Variants in SMAD7 observed in about 807,000 individuals in gnomAD.
SMAD7 encodes SMAD family member 7.
A neutral mutation model predicts 38.7 loss-of-function variants in SMAD7; 8 were observed. The ratio of observed to expected loss-of-function variants is 0.21; its 90% CI spans 0.12 to 0.37. The LOEUF (loss-of-function observed/expected upper bound fraction) is 0.37. Ranked by LOEUF, SMAD7 falls within the 10% of genes least tolerant of loss-of-function variation. SMAD7 has a pLI of 1.00. For missense variants in SMAD7, 477 were observed against 577.9 expected, an observed-to-expected ratio of 0.83 and a Z score of 1.79; for synonymous variants, 327 against 265.1, an observed-to-expected ratio of 1.23 and a Z score of -2.27.
At chr18:48,943,653 G>A (rs763390261) in intron 2 of SMAD7, among the ~76,000 whole-genome samples, 6 of 152,194 alleles carry the variant, frequency 3.9e-5, no homozygotes, top group South Asian at 4.1e-4. Context: ...AGGTTGGATC[G>A]TGCAGACACC....
chr18:48,922,930 G>A lies in SMAD7; in HGVS notation c.743-1020C>T, dbSNP rs183405400. Among the ~76,000 whole-genome samples, 4 of 152,274 alleles carry A rather than the reference G, an allele frequency of 2.6e-5. No individual in the cohort carries two copies. In the East Asian group the frequency reaches 7.7e-4, roughly 29 times the overall value. Reference sequence around the variant, plus strand: ...CTGGTAAGGTAATTTTCCTCAACAGGCACTTGGAGGACTTTAAAAGGGGGG... The same window carrying A: ...CTGGTAAGGTAATTTTCCTCAACAGACACTTGGAGGACTTTAAAAGGGGGG... On this transcript the variant is annotated intron_variant, in intron 3 of 3. Transcript: ENST00000262158.
At chr18:48,931,002 A>G (rs1478047137) in intron 3 of SMAD7, among the ~76,000 whole-genome samples, 1 of 152,236 alleles carries the variant, frequency 6.6e-6, no homozygotes. Context: ...GGAAATTCTG[A>G]CATACGCTAG....
At chr18:48,949,394 C>A (rs752068266) in intron 1 of SMAD7, 14 of 466,810 alleles carry the variant, frequency 3.0e-5, no homozygotes, top group South Asian at 1.8e-4. Flanking sequence ...CCTTCCTTGG[C>A]GGGCCTGGAC....
intron 3 of SMAD7, among the ~76,000 whole-genome samples, chr18:48,932,523 C>G (rs1443424797): frequency 1.3e-5 from 2 of 152,142 alleles, no homozygotes; most frequent in Non-Finnish European, 2.9e-5. Context: ...TGATCAAACC[C>G]CCCAGCAAAA....
chr18:48,922,035 A>C (rs2069869115), intron 3 of SMAD7, 125 bp from the exon 4 acceptor site: 1 of 740,336 alleles, frequency 1.4e-6, no homozygotes, highest in Admixed American at 2.9e-5. Flanking sequence ...AGAAAGAAGG[A>C]GGCGGTGAGG....
chr18:48,950,205 G>A lies in SMAD7; in HGVS notation c.220C>T (p.His74Tyr). 2 of 1,493,112 alleles carry A rather than the reference G, an allele frequency of 1.3e-6. No individual in the cohort carries two copies. Among genetic ancestry groups the A allele is most frequent in the African/African-American group, 1.5e-5 (1 of 68,470 alleles). 92.5% of individuals were successfully genotyped at this position (1,493,112 alleles called of 1,614,324 possible). A position where few individuals can be genotyped will look rare whatever the true frequency, so the allele number is the denominator to read the frequency against. ...GCGCCCGCGGCTGGCGGGTGGGGATGGTGGTGACCTTTGGCACCTCGCACC... is the reference window on the plus strand; with the variant it reads ...GCGCCCGCGGCTGGCGGGTGGGGATAGTGGTGACCTTTGGCACCTCGCACC... ...KAVRGAKGHH[H>Y]PHPPAAGAGA... The change falls in exon 1 of 4, where the codon CAT becomes TAT. Residue 74 changes from histidine to tyrosine, a missense_variant. His to Tyr is a moderately conservative substitution (Grantham distance 83). Transcript: ENST00000262158.
chr18:48,929,565 T>TCACACACACACACACACA (rs756130657), intron 3 of SMAD7, among the ~76,000 whole-genome samples: 24 of 40,198 alleles, frequency 6.0e-4, no homozygotes, highest in African/African-American at 1.3e-3. Context: ...TCTCTCTCTC[T>TCACACACACACACACACA]CTCTCACTCA....
At chr18:48,929,772 GC>G (rs1418624004) in intron 3 of SMAD7, among the ~76,000 whole-genome samples, 1 of 151,880 alleles carries the variant, frequency 6.6e-6, no homozygotes. Context: ...TTTTAATAAA[GC>G]CCCAGGCTAC....
rs143213638 is a variant in SMAD7 at position 48,934,338 on chromosome 18, G to A, written c.742+8143C>T. Among the ~76,000 whole-genome samples, 1,282 of 152,158 alleles carry A rather than the reference G, an allele frequency of 8.4e-3. 17 individuals carry two copies. The highest frequency in any genetic ancestry group is 0.036 in the East Asian group (184 of 5,174). On this transcript the variant is annotated intron_variant, in intron 3 of 3. Transcript: ENST00000262158. ...GGGGGACACGGTGGCTTGAAAACAC[G>A]AAGGCAGCCCTGAGTTCCCGGCGGC...
intron 3 of SMAD7, among the ~76,000 whole-genome samples, chr18:48,922,263 C>CA (rs951857041): frequency 1.1e-4 from 16 of 152,194 alleles, no homozygotes; most frequent in African/African-American, 3.9e-4. Context: ...TTTAGGGCCT[C>CA]AAAAAGCCTC....
In SMAD7 at chr18:48,950,289, G is replaced by C; in HGVS notation, c.136C>G (p.Arg46Gly). 1 of 1,529,502 alleles carries C rather than the reference G, an allele frequency of 6.5e-7. No homozygotes were observed. Among genetic ancestry groups the C allele is most frequent in the Non-Finnish European group, 8.8e-7 (1 of 1,139,858 alleles). The allele number at this position is 1,529,502 out of a possible 1,614,324, so 94.7% of individuals were successfully genotyped here. Reference protein sequence around the residue: ...ELRGEGATDSRAHGAGGGGPG... With the variant: ...ELRGEGATDSGAHGAGGGGPG... ...CCGCCGCCACCGGCCCCATGCGCTC[G>C]GCTGTCCGTCGCCCCTTCTCCCCGC... Residue 46 changes from arginine (R) to glycine (G), a missense_variant, in exon 1 of 4, where the codon CGA (arginine) becomes GGA (glycine). Around this residue, in one of 2 missense-constraint regions of SMAD7, gnomAD observed 376 missense variants for 379.4 expected, o/e 0.99. Transcript: ENST00000262158.
chr18:48,945,466 A>G (rs1441822909), intron 2 of SMAD7, among the ~76,000 whole-genome samples: 1 of 152,200 alleles, frequency 6.6e-6, no homozygotes, highest in Non-Finnish European at 1.5e-5. Flanking sequence ...CTCGGAAAAA[A>G]AAAGAACACA....
At chr18:48,926,986 A>C (rs1399413761) in intron 3 of SMAD7, among the ~76,000 whole-genome samples, 8 of 152,174 alleles carry the variant, frequency 5.3e-5, no homozygotes, top group African/African-American at 1.9e-4. Flanking sequence ...TCAATAGGCG[A>C]ATCCCTCCCC....
At chr18:48,947,136 G>A (rs2070203587) in intron 2 of SMAD7, among the ~76,000 whole-genome samples, 1 of 152,172 alleles carries the variant, frequency 6.6e-6, no homozygotes, top group Admixed American at 6.5e-5. Flanking sequence ...AGAGAGCTGG[G>A]TATCTCCTTA....
At chr18:48,939,934 AC>A (rs1327449621) in intron 3 of SMAD7, among the ~76,000 whole-genome samples, 2 of 143,938 alleles carry the variant, frequency 1.4e-5, no homozygotes, top group Non-Finnish European at 3.0e-5. Context: ...CACCCAGGCC[AC>A]CCCCCATGGA....
chr18:48,947,254 G>A (rs566853806), intron 2 of SMAD7, among the ~76,000 whole-genome samples: 38 of 152,356 alleles, frequency 2.5e-4, no homozygotes, highest in African/African-American at 8.7e-4. Context: ...TTCCCAACTT[G>A]AGGGAGCTGG....
rs1303374652 is a variant in SMAD7, at chr18:48,950,169, C to T, written c.256G>A (p.Gly86Arg). The stretch of plus-strand genomic sequence containing the variant: ...GCCTTCAGATCCGCCTCGGCGCCCC[C>T]GGCCGCGCCGGCGCCCGCGGCTGGC... ...HPPAAGAGAA[G>R]GAEADLKALT... Residue 86 changes from glycine to arginine, a missense_variant, in exon 1 of 4, where the codon GGG becomes AGG. Transcript: ENST00000262158. The T allele has an allele frequency of 2.0e-6, 3 of 1,485,278 alleles. No individual in the cohort carries two copies. The highest frequency in any genetic ancestry group is 1.3e-5 in the South Asian group (1 of 78,158). 92.0% of individuals were successfully genotyped at this position (1,485,278 alleles called of 1,614,324 possible). A position where few individuals can be genotyped will look rare whatever the true frequency, so the allele number is the denominator to read the frequency against.
rs555024857 is a variant in SMAD7 at position 48,948,166 on chromosome 18, G to A, written c.667+218C>T. On this transcript the variant is annotated intron_variant, in intron 2 of 3. Transcript: ENST00000262158. ...CTACACAGCACAAATACATGAAAAA[G>A]GAACAAAATGTAAAGCATATCAAGG... 1.1e-3 allele frequency among the ~76,000 whole-genome samples: 171 copies of A among 152,224 alleles called. 3 individuals are homozygous for A. The South Asian group carries it at 0.014, about 13-fold the overall frequency.
chr18:48,931,321 T>C (rs1246712123), intron 3 of SMAD7, among the ~76,000 whole-genome samples: 1 of 152,202 alleles, frequency 6.6e-6, no homozygotes, highest in East Asian at 1.9e-4. Flanking sequence ...ATTTTATGTA[T>C]ATTTTACCAC....
Sources: allele counts gnomAD v4.1 joint callset (sites outside exome capture counted in the v4.1 genomes callset), GRCh38; gene constraint gnomAD v4.1.1; regional missense constraint gnomAD v4.1.1; transcripts MANE v1.5; gene names NCBI Gene and HGNC (gene_info 2026-07-23, HGNC 2026-07-21).